SLX4IP: variants seen among roughly 807,000 people sequenced by gnomAD.
SLX4IP encodes SLX4 interacting protein.
SLX4IP carries 34 observed loss-of-function variants against 32.9 expected under a neutral mutation model. That is an observed-to-expected ratio of 1.03 (90% CI 0.79 to 1.38). The LOEUF (loss-of-function observed/expected upper bound fraction) is 1.38. SLX4IP is among the 40% of genes most tolerant of loss of function. SLX4IP has a pLI of 0.00. For synonymous variants in SLX4IP, 172 were observed against 171.7 expected (o/e 1.00, Z -0.01); for missense variants, 444 against 479.0 (o/e 0.93, Z 0.68).
At chr20:10,585,813 A>G (rs2066639275) in intron 4 of SLX4IP, among the ~76,000 whole-genome samples, 1 of 151,624 alleles carries the variant, frequency 6.6e-6, no homozygotes, top group South Asian at 2.1e-4. Flanking sequence ...CTGGTCTCGA[A>G]CTCCTAACCT....
At chr20:10,486,368 G>A (rs1396257729) in intron 2 of SLX4IP, among the ~76,000 whole-genome samples, 1 of 151,990 alleles carries the variant, frequency 6.6e-6, no homozygotes, top group Non-Finnish European at 1.5e-5. Flanking sequence ...CTATTAGAAC[G>A]GTAGTGATGA....
At position 10,624,467 on chromosome 20, in the gene SLX4IP, T is replaced by C. The variant is rs2067151620; in HGVS notation, c.*1088T>C. ...CATAGTGAATTGTAGCAATGACTTATTTTGGATGGACACCCGCTAAAAGTT... is the reference window on the plus strand; with the variant it reads ...CATAGTGAATTGTAGCAATGACTTACTTTGGATGGACACCCGCTAAAAGTT... On this transcript the variant is annotated 3_prime_UTR_variant, in exon 8 of 8. Coordinates refer to ENST00000334534, the MANE Select transcript of SLX4IP (RefSeq NM_001009608.3). 1 of 152,188 alleles carries C rather than the reference T, an allele frequency of 6.6e-6. No homozygotes were observed. Among genetic ancestry groups the C allele is most frequent in the Non-Finnish European group, 1.5e-5 (1 of 68,044 alleles). 9.4% of individuals were successfully genotyped at this position (152,188 alleles called of 1,614,324 possible).
intron 4 of SLX4IP, among the ~76,000 whole-genome samples, chr20:10,573,710 T>G (rs1272548228): frequency 3.9e-5 from 6 of 152,248 alleles, no homozygotes; most frequent in Non-Finnish European, 8.8e-5. Flanking sequence ...GACATTGTAT[T>G]TTTTCTATTC....
intron 4 of SLX4IP, among the ~76,000 whole-genome samples, chr20:10,584,134 T>TC (rs879547934): frequency 2.6e-5 from 4 of 151,930 alleles, no homozygotes; most frequent in Non-Finnish European, 5.9e-5. Context: ...GGGTTTTTTT[T>TC]CCCCTATAAA....
At chr20:10,479,324 A>G (rs886679684) in intron 2 of SLX4IP, among the ~76,000 whole-genome samples, 1 of 150,626 alleles carries the variant, frequency 6.6e-6, no homozygotes, top group African/African-American at 2.4e-5. Context: ...AAAAATTTCC[A>G]TATTCTCATC....
Position 10,598,586 on chromosome 20 carries a change from A to G in SLX4IP, c.239-89A>G, listed in dbSNP as rs1344930148. 5.1e-6 allele frequency: 6 copies of G among 1,168,690 alleles called. No individual in the cohort carries two copies. The African/African-American group carries it at 9.1e-5, about 18-fold the overall frequency. The allele number at this position is 1,168,690 out of a possible 1,614,324, so 72.4% of individuals were successfully genotyped here. ...GCTTCATTTGCTAAATAACTATTGA[A>G]TGTGTCTTTTATGGCAGGCACTGGG... On this transcript the variant is annotated intron_variant, in intron 4 of 7. Coordinates refer to ENST00000334534, the MANE Select transcript of SLX4IP (RefSeq NM_001009608.3).
chr20:10,613,063 G>T, intron 6 of SLX4IP: 1 of 263,380 alleles, frequency 3.8e-6, no homozygotes, highest in Non-Finnish European at 7.3e-6. Flanking sequence ...GTTCTAGCTG[G>T]GTAGAGAGCC....
chr20:10,621,926 G>C (rs184379078), intron 7 of SLX4IP, among the ~76,000 whole-genome samples: 1 of 152,254 alleles, frequency 6.6e-6, no homozygotes, highest in East Asian at 1.9e-4. Context: ...AACATCTTTA[G>C]TCTCTAATTC....
intron 6 of SLX4IP, among the ~76,000 whole-genome samples, chr20:10,619,695 C>T (rs1329073980): frequency 1.3e-5 from 2 of 152,172 alleles, no homozygotes; most frequent in Admixed American, 6.5e-5. Context: ...TCTGAAAATA[C>T]AGCACTTACA....
intron 2 of SLX4IP, among the ~76,000 whole-genome samples, chr20:10,495,893 G>T (rs986004184): frequency 1.3e-4 from 20 of 151,302 alleles, no homozygotes; most frequent in African/African-American, 4.9e-4. Context: ...GTTTTTTTTT[G>T]TTGTTGTTAT....
intron 2 of SLX4IP, among the ~76,000 whole-genome samples, chr20:10,534,657 C>T (rs1483876563): frequency 6.6e-6 from 1 of 152,060 alleles, no homozygotes; most frequent in East Asian, 1.9e-4. Context: ...GCAGGGCTGG[C>T]GTCTGGGGTA....
intron 2 of SLX4IP, among the ~76,000 whole-genome samples, chr20:10,480,762 A>G (rs1420831948): frequency 2.6e-5 from 4 of 152,212 alleles, no homozygotes; most frequent in Non-Finnish European, 5.9e-5. Flanking sequence ...CTAGTGATTG[A>G]TTTCTACATT....
At chr20:10,613,750 G>A in intron 6 of SLX4IP, 2 of 1,613,436 alleles carry the variant, frequency 1.2e-6, no homozygotes, top group African/African-American at 1.3e-5. Flanking sequence ...CTTATCCTGG[G>A]TTCCTCTGTG....
chr20:10,600,390 G>A (rs562212396), intron 5 of SLX4IP, among the ~76,000 whole-genome samples: 265 of 152,242 alleles, frequency 1.7e-3, no homozygotes, highest in Non-Finnish European at 3.2e-3. Context: ...GGGGAGCCAT[G>A]GTAGGTTTTT....
chr20:10,561,285 G>A (rs2066329475), intron 4 of SLX4IP, among the ~76,000 whole-genome samples: 1 of 151,808 alleles, frequency 6.6e-6, no homozygotes, highest in Non-Finnish European at 1.5e-5. Context: ...ATAAATTAAT[G>A]TTAACCATAT....
chr20:10,491,410 C>T (rs984266384), intron 2 of SLX4IP, among the ~76,000 whole-genome samples: 17 of 152,246 alleles, frequency 1.1e-4, no homozygotes, highest in Non-Finnish European at 2.1e-4. Flanking sequence ...TCAGAGCTTT[C>T]GGACCTTGCT....
chr20:10,460,577 G>C (rs1466907681), intron 2 of SLX4IP, among the ~76,000 whole-genome samples: 1 of 152,180 alleles, frequency 6.6e-6, no homozygotes, highest in African/African-American at 2.4e-5. Flanking sequence ...CCCGGTGGCT[G>C]AGTTTTGAGG....
chr20:10,555,186 G>A (rs1383805890), intron 2 of SLX4IP, among the ~76,000 whole-genome samples: 3 of 150,366 alleles, frequency 2.0e-5, no homozygotes, highest in Non-Finnish European at 4.4e-5. Context: ...TTGATATATA[G>A]GACAGAATTT....
At chr20:10,587,194 A>T (rs1458644211) in intron 4 of SLX4IP, among the ~76,000 whole-genome samples, 2 of 152,222 alleles carry the variant, frequency 1.3e-5, no homozygotes, top group Non-Finnish European at 2.9e-5. Context: ...TCATGATATC[A>T]TACAAAGTTG....
Sources: gnomAD v4.1 joint callset for allele counts (sites outside exome capture counted in the v4.1 genomes callset) on GRCh38, gnomAD v4.1.1 for gene constraint, MANE v1.5 for transcripts, NCBI Gene and HGNC (gene_info 2026-07-23, HGNC 2026-07-21) for gene names.